Variants in ARHGAP26 observed in about 807,000 individuals in gnomAD.
The protein encoded by ARHGAP26 is rho GTPase-activating protein 26.
ARHGAP26 carries 38 observed loss-of-function variants against 104.8 expected under a neutral mutation model. That is an observed-to-expected ratio of 0.36 (90% CI 0.28 to 0.48). The LOEUF (loss-of-function observed/expected upper bound fraction) is 0.48. ARHGAP26 is among the 20% of genes least tolerant of loss of function. The pLI is 0.99. For missense variants in ARHGAP26, 704 were observed against 947.9 expected, an observed-to-expected ratio of 0.74 and a Z score of 3.38; for synonymous variants, 341 against 340.0, an observed-to-expected ratio of 1.00 and a Z score of -0.03.
At chr5:143,076,306 C>T (rs1198930071) in intron 17 of ARHGAP26, among the ~76,000 whole-genome samples, 1 of 151,824 alleles carries the variant, frequency 6.6e-6, no homozygotes, top group Non-Finnish European at 1.5e-5. Flanking sequence ...GCTTTTCTGT[C>T]ATCTCTGTCA....
Position 142,905,780 on chromosome 5 carries a change from A to G in ARHGAP26, c.833-1924A>G, listed in dbSNP as rs139181948. 3.3e-5 allele frequency among the ~76,000 whole-genome samples: 5 copies of G among 152,336 alleles called. No homozygotes were observed. The East Asian group carries it at 9.6e-4, about 29-fold the overall frequency. ...CTAAAATCGCAATTGAACTCTTGCC[A>G]TTAAAAGTAATGGCTAAAATCGCAA... On this transcript the variant is annotated intron_variant, in intron 8 of 22. Transcript: ENST00000645722.
rs1472583180 is a variant in ARHGAP26, at chr5:143,161,802, G to A, written c.1988+14421G>A. Reference sequence around the variant, plus strand: ...TGATTATGCTAAAAAGAGGCTTTTTGTTTTGTTTTGTAGTTACCAAAGCAG... The same window carrying A: ...TGATTATGCTAAAAAGAGGCTTTTTATTTTGTTTTGTAGTTACCAAAGCAG... On this transcript the variant is annotated intron_variant, in intron 20 of 22. Coordinates refer to ENST00000645722, the MANE Select transcript of ARHGAP26 (RefSeq NM_001135608.3). Among the ~76,000 whole-genome samples, 3 of 152,240 alleles carry A rather than the reference G, an allele frequency of 2.0e-5. No individual in the cohort carries two copies. In the East Asian group the frequency reaches 5.8e-4, roughly 29 times the overall value.
chr5:143,199,618 C>T (rs1434402676), intron 20 of ARHGAP26, among the ~76,000 whole-genome samples: 1 of 152,190 alleles, frequency 6.6e-6, no homozygotes, highest in African/African-American at 2.4e-5. Flanking sequence ...GCACCATCAC[C>T]ACCTAACAGT....
chr5:142,905,492 T>G (rs1206631074), intron 8 of ARHGAP26, among the ~76,000 whole-genome samples: 1 of 152,176 alleles, frequency 6.6e-6, no homozygotes, highest in Non-Finnish European at 1.5e-5. Flanking sequence ...CATAAACCCT[T>G]TACCCAGTGC....
At chr5:142,831,202 T>C (rs1768355205) in intron 1 of ARHGAP26, among the ~76,000 whole-genome samples, 1 of 152,188 alleles carries the variant, frequency 6.6e-6, no homozygotes, top group Non-Finnish European at 1.5e-5. Flanking sequence ...CTGATCACGA[T>C]GGAGCCAGAT....
chr5:143,225,841 T>G lies in ARHGAP26; in HGVS notation c.*3395T>G, dbSNP rs1020189931. 18 of 227,770 alleles carry G rather than the reference T, an allele frequency of 7.9e-5. No individual in the cohort carries two copies. Among genetic ancestry groups the G allele is most frequent in the Admixed American group, 2.8e-4 (5 of 17,582 alleles). The allele number at this position is 227,770 out of a possible 1,614,324, so 14.1% of individuals were successfully genotyped here. A position where few individuals can be genotyped will look rare whatever the true frequency, so the allele number is the denominator to read the frequency against. On this transcript the variant is annotated 3_prime_UTR_variant, in exon 23 of 23. Transcript: ENST00000645722. ...TGACAGATGGCTTCTCTGTTTCCCT[T>G]TGCCCAGCCAGGCTCCCCTCCTTCC...
In ARHGAP26 at chr5:143,056,566, C is replaced by A. The variant is rs533623584; in HGVS notation, c.1432+480C>A. Among the ~76,000 whole-genome samples the A allele has an allele frequency of 1.1e-4, 17 of 152,154 alleles. No individual in the cohort carries two copies. The East Asian group carries it at 2.9e-3, about 26-fold the overall frequency. On this transcript the variant is annotated intron_variant, in intron 16 of 22. Transcript: ENST00000645722. ...TTTCCATTATGTCTTCCATTTACAG[C>A]TTCTGATCATTCTTCAACTACATCA...
At chr5:142,980,336 T>C (rs570155514) in intron 11 of ARHGAP26, among the ~76,000 whole-genome samples, 1 of 147,284 alleles carries the variant, frequency 6.8e-6, no homozygotes, top group African/African-American at 2.5e-5. Context: ...CTATTGTGCA[T>C]AAAGCCTCTA....
At chr5:143,172,967 C>T (rs147646763) in intron 20 of ARHGAP26, 85 of 180,272 alleles carry the variant, frequency 4.7e-4, no homozygotes, top group African/African-American at 1.7e-3. Flanking sequence ...AGGGTTCATG[C>T]GAGTTCAGCA....
chr5:143,075,656 T>C (rs1345352273), intron 17 of ARHGAP26, among the ~76,000 whole-genome samples: 2 of 152,184 alleles, frequency 1.3e-5, no homozygotes, highest in Non-Finnish European at 2.9e-5. Context: ...AAGGACAATA[T>C]TGATTAAATG....
At chr5:142,909,703 A>C (rs1457499552) in intron 9 of ARHGAP26, among the ~76,000 whole-genome samples, 2 of 152,212 alleles carry the variant, frequency 1.3e-5, no homozygotes, top group African/African-American at 4.8e-5. Flanking sequence ...AAAAACCTAC[A>C]TTATTAGGTG....
intron 17 of ARHGAP26, among the ~76,000 whole-genome samples, chr5:143,071,392 A>G (rs1316435806): frequency 6.6e-6 from 1 of 152,224 alleles, no homozygotes; most frequent in Non-Finnish European, 1.5e-5. Flanking sequence ...AATCTCTTCA[A>G]TAAATGGTAC....
At chr5:143,111,977 TG>T (rs375129696) in intron 17 of ARHGAP26, among the ~76,000 whole-genome samples, 8,107 of 152,168 alleles carry the variant, frequency 0.053, 300 homozygotes, top group Non-Finnish European at 0.078. Flanking sequence ...TAGAAGAAGG[TG>T]GCCTCCCACA....
At chr5:142,873,648 C>T (rs906615155) in intron 2 of ARHGAP26, among the ~76,000 whole-genome samples, 153 bp downstream of exon 2, 2 of 152,144 alleles carry the variant, frequency 1.3e-5, no homozygotes, top group Admixed American at 6.5e-5. Flanking sequence ...ATGTGAGGAT[C>T]GGAGCTTGGG....
intron 18 of ARHGAP26, among the ~76,000 whole-genome samples, chr5:143,129,472 T>C (rs1797081028): frequency 6.6e-6 from 1 of 152,142 alleles, no homozygotes; most frequent in East Asian, 1.9e-4. Context: ...TCCGCCAGAC[T>C]CCAAAACTTA....
At chr5:142,930,187 T>G (rs1764510018) in intron 10 of ARHGAP26, among the ~76,000 whole-genome samples, 1 of 152,188 alleles carries the variant, frequency 6.6e-6, no homozygotes, top group Non-Finnish European at 1.5e-5. Flanking sequence ...AGACAGTAGC[T>G]GCAGAGGCTT....
chr5:142,929,385 A>C (rs1764393031), intron 10 of ARHGAP26, among the ~76,000 whole-genome samples: 2 of 152,220 alleles, frequency 1.3e-5, no homozygotes, highest in South Asian at 4.1e-4. Flanking sequence ...CTGACATGGA[A>C]AGTGGAGGGT....
intron 7 of ARHGAP26, 21 bp from the exon 8 acceptor site, chr5:142,903,519 A>G: frequency 6.2e-7 from 1 of 1,610,388 alleles, no homozygotes; most frequent in East Asian, 2.2e-5. Context: ...TTTGATTTGA[A>G]TAAAATTATT....
chr5:143,066,512 G>C (rs6892897), intron 17 of ARHGAP26, among the ~76,000 whole-genome samples: 37 of 152,264 alleles, frequency 2.4e-4, no homozygotes, highest in Admixed American at 1.1e-3. Flanking sequence ...TTCCATAAAT[G>C]TTAATTTCTA....
Sources: gnomAD v4.1 joint callset for allele counts (sites outside exome capture counted in the v4.1 genomes callset) on GRCh38, gnomAD v4.1.1 for gene constraint, MANE v1.5 for transcripts, NCBI Gene and HGNC (gene_info 2026-07-23, HGNC 2026-07-21) for gene names.